The following COL16A1 variants were observed in gnomAD, a reference collection of about 807,000 sequenced individuals.
COL16A1 encodes the protein collagen alpha-1(XVI) chain.
In COL16A1, 189 loss-of-function variants were observed where a neutral mutation model predicts 266.3. The observed-to-expected ratio is 0.71, with a 90% CI of 0.63 to 0.80. The LOEUF is 0.80. Ranked by LOEUF, COL16A1 falls within the 30% of genes least tolerant of loss-of-function variation. The pLI is 0.00. For missense variants in COL16A1, 1,928 were observed against 2,122.4 expected (o/e 0.91, Z 1.80); for synonymous variants, 740 against 782.3 (o/e 0.95, Z 0.90).
Position 31,693,552 on chromosome 1 carries a change from A to G in COL16A1, c.1009-398T>C, listed in dbSNP as rs544003681. ...GACTTCAAATCCTGTACTTGCTAGC[A>G]TGTCACTCAGAGCAGGTCATGTCGC... is the stretch of plus-strand genomic sequence containing the variant. On this transcript the variant is annotated intron_variant, in intron 12 of 70. Coordinates refer to ENST00000373672, the MANE Select transcript of COL16A1 (RefSeq NM_001856.4). Among the ~76,000 whole-genome samples the G allele has an allele frequency of 2.6e-5, 4 of 152,272 alleles. No homozygotes were observed. In the South Asian group the frequency reaches 8.3e-4, roughly 32 times the overall value.
chr1:31,698,116 C>T lies in COL16A1; in HGVS notation c.447G>A (p.Gln149=). The change falls in exon 6 of 71, where the codon CAG becomes CAA. Residue 149 remains glutamine, a synonymous_variant. Coordinates refer to ENST00000373672, the MANE Select transcript of COL16A1 (RefSeq NM_001856.4). The surrounding 1 kb of genome is among the most constrained non-coding windows in gnomAD (Gnocchi z 4.1). ...ERSLELRAQG[Q]DGDFVSCIFP... Reference sequence around the variant, plus strand: ...AGATGCAGGACACAAAGTCGCCATCCTGGCCCTGGGCCCTGAGCTCCAGGC... The same window carrying T: ...AGATGCAGGACACAAAGTCGCCATCTTGGCCCTGGGCCCTGAGCTCCAGGC... 6.2e-7 allele frequency: 1 copy of T among 1,613,994 alleles called. No individual in the cohort carries two copies. The highest frequency in any genetic ancestry group is 1.1e-5 in the South Asian group (1 of 91,076).
At chr1:31,695,095 G>C in intron 11 of COL16A1, 91 bp downstream of exon 11, 1 of 1,356,700 alleles carries the variant, frequency 7.4e-7, no homozygotes, top group African/African-American at 1.4e-5. Context: ...AGACCCCCTT[G>C]TCCTCACCCA....
Position 31,664,661 on chromosome 1 carries a change from G to A in COL16A1, c.3555+511C>T, listed in dbSNP as rs1391945952. On this transcript the variant is annotated intron_variant, in intron 56 of 70. Coordinates refer to ENST00000373672, the MANE Select transcript of COL16A1 (RefSeq NM_001856.4). This position sits in a 1 kb window ranked among gnomAD's most constrained non-coding sequence, Gnocchi z 5.5. ...GCCAACTGCTGCTCCCCCAACCCTT[G>A]TCACCAGGCAGGACACGGGCCACCC... 2.0e-5 allele frequency among the ~76,000 whole-genome samples: 3 copies of A among 152,158 alleles called. No individual in the cohort carries two copies. The highest frequency in any genetic ancestry group is 1.5e-5 in the Non-Finnish European group (1 of 68,018).
chr1:31,679,984 C>T (rs1028492169), intron 40 of COL16A1, 58 bp downstream of exon 40: 105 of 1,602,694 alleles, frequency 6.6e-5, no homozygotes, highest in Middle Eastern at 3.4e-4. Flanking sequence ...GGGCACCAGA[C>T]GAGGCTGAAG....
Position 31,675,317 on chromosome 1 carries a change from G to T in COL16A1, c.2773-6C>A, listed in dbSNP as rs550473001. The T allele has an allele frequency of 6.2e-7, 1 of 1,613,546 alleles. No homozygotes were observed. Among genetic ancestry groups the T allele is most frequent in the South Asian group, 1.1e-5 (1 of 90,854 alleles). On this transcript the variant is annotated splice_region_variant and splice_polypyrimidine_tract_variant and intron_variant, in intron 42 of 70. Transcript: ENST00000373672. ...CCGTTGTTTCCAGGCACTCCCTGTAGCCAAGAAGAGACACGAGTGAGTGGG... is the reference window on the plus strand; with the variant it reads ...CCGTTGTTTCCAGGCACTCCCTGTATCCAAGAAGAGACACGAGTGAGTGGG...
In COL16A1 at chr1:31,672,458, G is replaced by A. The variant is rs774322836; in HGVS notation, c.3063C>T (p.Gly1021=). Residue 1021 remains glycine (G), a synonymous_variant, in exon 47 of 71, where the codon GGC becomes GGT. Coordinates refer to ENST00000373672, the MANE Select transcript of COL16A1 (RefSeq NM_001856.4). The part of the protein sequence containing the change: ...EGDPGCVGSP[G]LPGPPGLPGQ... Reference sequence around the variant, plus strand: ...CTGGCAATCCCGGAGGACCAGGTAGGCCTGGGCTCCCAACACAGCCAGGAT... The same window carrying A: ...CTGGCAATCCCGGAGGACCAGGTAGACCTGGGCTCCCAACACAGCCAGGAT... 1 of 1,614,132 alleles carries A rather than the reference G, an allele frequency of 6.2e-7. No homozygotes were observed. Among genetic ancestry groups the A allele is most frequent in the Non-Finnish European group, 8.5e-7 (1 of 1,180,018 alleles).
In COL16A1 at chr1:31,684,002, C is replaced by T. The variant is rs1412140544; in HGVS notation, c.2285G>A (p.Gly762Asp). ...TTGAACTCCTGGTAGACCGGGTTGG[C>T]CCTAAAAGGCATAAGGTGGCCCATG... ...PEGVGRPGKP[G>D]QPGLPGVQGP... The change falls in exon 33 of 71, where the codon GGC (glycine) becomes GAC (aspartate). Residue 762 changes from glycine (G) to aspartate (D), a missense_variant and splice_region_variant. Gly to Asp is a moderately conservative substitution (Grantham distance 94). Around this residue, in one of 2 missense-constraint regions of COL16A1, gnomAD observed 1,552 missense variants for 1,637.2 expected, o/e 0.95. Coordinates refer to ENST00000373672, the MANE Select transcript of COL16A1 (RefSeq NM_001856.4). 8 of 1,614,058 alleles carry T rather than the reference C, an allele frequency of 5.0e-6. No individual in the cohort carries two copies. The highest frequency in any genetic ancestry group is 6.8e-6 in the Non-Finnish European group (8 of 1,180,024).
chr1:31,655,689 C>T (rs1641076755), intron 66 of COL16A1, 187 bp from the exon 67 acceptor site: 2 of 1,002,212 alleles, frequency 2.0e-6, no homozygotes, highest in Non-Finnish European at 1.4e-6. Context: ...CCTGGTGTTA[C>T]TCCCTGCTTA....
intron 60 of COL16A1, 54 bp downstream of exon 60, chr1:31,661,360 C>A (rs1641646894): frequency 6.2e-7 from 1 of 1,612,910 alleles, no homozygotes. Flanking sequence ...TGCCTGGGGG[C>A]AAGCCTTCAG....
intron 55 of COL16A1, 48 bp from the exon 56 acceptor site, chr1:31,665,282 G>A (rs766249545): frequency 1.3e-6 from 2 of 1,574,222 alleles, no homozygotes; most frequent in Admixed American, 2.1e-5. Context: ...GCTGGAGGGG[G>A]AGCTCCCCTT....
In COL16A1 at chr1:31,692,589, C is replaced by T. The variant is rs1025310831; in HGVS notation, c.1158+9G>A. ...ACCATCCCTGCCCTATCCCTGGTCCCACACTCACCAGAGCTCCTGACTCCC... is the reference window on the plus strand; with the variant it reads ...ACCATCCCTGCCCTATCCCTGGTCCTACACTCACCAGAGCTCCTGACTCCC... On this transcript the variant is annotated intron_variant, in intron 15 of 70. Coordinates refer to ENST00000373672, the MANE Select transcript of COL16A1 (RefSeq NM_001856.4). 3.1e-6 allele frequency: 5 copies of T among 1,614,018 alleles called. No homozygotes were observed. In the Admixed American group the frequency reaches 6.7e-5, roughly 22 times the overall value.
rs527719515 is a variant in COL16A1, at chr1:31,691,279, C to T, written c.1399-53G>A. ...AGTTTCCAGGGACCACTCGCTACAG[C>T]GAGATCTTCTACCCTCACCCTCTCC... On this transcript the variant is annotated intron_variant, in intron 19 of 70. Coordinates refer to ENST00000373672, the MANE Select transcript of COL16A1 (RefSeq NM_001856.4). 18 of 1,607,250 alleles carry T rather than the reference C, an allele frequency of 1.1e-5. No individual in the cohort carries two copies. The South Asian group carries it at 1.3e-4, about 12-fold the overall frequency.
chr1:31,702,059 C>T (rs1196837504), intron 2 of COL16A1, 62 bp downstream of exon 2: 12 of 1,612,078 alleles, frequency 7.4e-6, no homozygotes, highest in South Asian at 3.3e-5. Context: ...GTGCAAGGAC[C>T]CCAGCACCCC....
Position 31,672,795 on chromosome 1 carries a change from A to G in COL16A1, c.2905T>C (p.Tyr969His). The G allele has an allele frequency of 6.2e-7, 1 of 1,614,042 alleles. No individual in the cohort carries two copies. Among genetic ancestry groups the G allele is most frequent in the Admixed American group, 1.7e-5 (1 of 60,030 alleles). Residue 969 changes from tyrosine (Y) to histidine (H), a missense_variant, in exon 45 of 71, where the codon TAC becomes CAC. Around this residue, in one of 2 missense-constraint regions of COL16A1, gnomAD observed 1,552 missense variants for 1,637.2 expected, o/e 0.95. Coordinates refer to ENST00000373672, the MANE Select transcript of COL16A1 (RefSeq NM_001856.4). Reference protein sequence around the residue: ...CVQGQRAHPGYLVEKGEKGDQ... With the variant: ...CVQGQRAHPGHLVEKGEKGDQ... ...CCCTTCTCTCCCTTCTCCACGAGGT[A>G]CCCTGGGTGGGCCCTCTGCCCCTGG...
chr1:31,703,413 C>T (rs1644789364), intron 1 of COL16A1, among the ~76,000 whole-genome samples: 1 of 152,142 alleles, frequency 6.6e-6, no homozygotes, highest in African/African-American at 2.4e-5. Context: ...GCCTATTCAT[C>T]CCCCATCCTA....
chr1:31,688,087 G>A lies in COL16A1; in HGVS notation c.1803+380C>T, dbSNP rs1644079604. On this transcript the variant is annotated intron_variant, in intron 26 of 70. Coordinates refer to ENST00000373672, the MANE Select transcript of COL16A1 (RefSeq NM_001856.4). The surrounding 1 kb of genome is among the most constrained non-coding windows in gnomAD (Gnocchi z 4.9). ...GCCTCCGTTTCCTCATCTGTGAAAT[G>A]GGAATAATGGAGCACATACCCCATA... Among the ~76,000 whole-genome samples, 1 of 152,126 alleles carries A rather than the reference G, an allele frequency of 6.6e-6. No homozygotes were observed. The highest frequency in any genetic ancestry group is 6.5e-5 in the Admixed American group (1 of 15,276).
At chr1:31,681,128 G>C (rs1643609496) in intron 37 of COL16A1, 61 bp from the exon 38 acceptor site, 1 of 1,552,060 alleles carries the variant, frequency 6.4e-7, no homozygotes, top group Non-Finnish European at 8.6e-7. Context: ...CATCTGGCCT[G>C]CTGCAGAAAA....
chr1:31,662,767 A>G, intron 56 of COL16A1, 109 bp from the exon 57 acceptor site: 1 of 1,148,212 alleles, frequency 8.7e-7, no homozygotes, highest in Non-Finnish European at 1.2e-6. Flanking sequence ...ACTGCTGGAA[A>G]CAGGACAGCT....
rs1433780689 is a variant in COL16A1 at position 31,685,639 on chromosome 1, C to T, written c.2016G>A (p.Gln672=). 1 of 1,613,852 alleles carries T rather than the reference C, an allele frequency of 6.2e-7. No homozygotes were observed. Among genetic ancestry groups the T allele is most frequent in the Admixed American group, 1.7e-5 (1 of 60,014 alleles). ...GGCCCCTGCCTATATCCCACCTCAC[C>T]TGTTTTCCTGGCAAGCCAAAGCCTG... ...GPPGFGLPGK[Q]GKAGERGLKG... The change falls in exon 29 of 71, where the codon CAG becomes CAA. Residue 672 remains glutamine (Q), a splice_region_variant and synonymous_variant. Coordinates refer to ENST00000373672, the MANE Select transcript of COL16A1 (RefSeq NM_001856.4). The surrounding 1 kb of genome is among the most constrained non-coding windows in gnomAD (Gnocchi z 4.0).
Sources: allele counts gnomAD v4.1 joint callset (sites outside exome capture counted in the v4.1 genomes callset), GRCh38; gene constraint gnomAD v4.1.1; regional missense constraint gnomAD v4.1.1; non-coding constraint Gnocchi (gnomAD v3.1); transcripts MANE v1.5; gene names NCBI Gene and HGNC (gene_info 2026-07-23, HGNC 2026-07-21).